The following RARS2 variants were observed in gnomAD, a reference collection of about 807,000 sequenced individuals.
RARS2 encodes the protein probable arginine--tRNA ligase, mitochondrial.
In RARS2, 67 loss-of-function variants were observed where a neutral mutation model predicts 88.5. The observed-to-expected ratio is 0.76, with a 90% confidence interval of 0.62 to 0.93. The LOEUF is 0.93. RARS2 is among the 40% of genes least tolerant of loss of function. The pLI is 0.00. For missense variants in RARS2, 664 were observed against 684.2 expected, an observed-to-expected ratio of 0.97 and a Z score of 0.33; for synonymous variants, 239 against 230.3, an observed-to-expected ratio of 1.04 and a Z score of -0.34.
intron 1 of RARS2, among the ~76,000 whole-genome samples, chr6:87,588,296 G>A (rs982071655): frequency 4.6e-5 from 7 of 151,552 alleles, no homozygotes; most frequent in African/African-American, 1.7e-4. Flanking sequence ...TACTGTTCTA[G>A]AAGACTTCTG....
chr6:87,535,429 C>T (rs1778808579), intron 8 of RARS2, among the ~76,000 whole-genome samples: 2 of 152,074 alleles, frequency 1.3e-5, no homozygotes. Flanking sequence ...GTGCTTTGAT[C>T]TTGTCCTATT....
intron 9 of RARS2, among the ~76,000 whole-genome samples, chr6:87,530,131 A>G (rs921272682): frequency 3.3e-5 from 5 of 152,164 alleles, no homozygotes; most frequent in Non-Finnish European, 5.9e-5. Flanking sequence ...CCACAGATAC[A>G]GAAGATTCCC....
chr6:87,523,406 C>T (rs924804746), intron 11 of RARS2, among the ~76,000 whole-genome samples: 14 of 152,258 alleles, frequency 9.2e-5, no homozygotes, highest in South Asian at 2.1e-4. Flanking sequence ...ACATCCCCCA[C>T]ACAAAGGTAT....
intron 14 of RARS2, chr6:87,519,158 A>T: frequency 3.0e-6 from 1 of 332,270 alleles, no homozygotes; most frequent in East Asian, 6.9e-5. Context: ...ATATATATGT[A>T]TGTGTGTATA....
Position 87,529,745 on chromosome 6 carries a change from C to A in RARS2, c.772-97G>T. The A allele has an allele frequency of 3.8e-6, 3 of 789,262 alleles. No homozygotes were observed. In the South Asian group the frequency reaches 4.2e-5, roughly 11 times the overall value. The allele number at this position is 789,262 out of a possible 1,614,324, so 48.9% of individuals were successfully genotyped here. A position where few individuals can be genotyped will look rare whatever the true frequency, so the allele number is the denominator to read the frequency against. On this transcript the variant is annotated intron_variant, in intron 9 of 19. Coordinates refer to ENST00000369536, the MANE Select transcript of RARS2 (RefSeq NM_020320.5). ...TAAGGATGCTCTACCACCTGTCACA[C>A]ACATGAACACAATAAAAATTAAATC...
chr6:87,571,217 C>T (rs1769595723), intron 1 of RARS2, among the ~76,000 whole-genome samples: 1 of 152,132 alleles, frequency 6.6e-6, no homozygotes, highest in African/African-American at 2.4e-5. Context: ...CTCACGAGAT[C>T]TGATGGTTTT....
intron 1 of RARS2, among the ~76,000 whole-genome samples, chr6:87,579,715 GTTTTTTTTTTTTTTTTTTTT>G (rs35014020): frequency 1.7e-5 from 1 of 60,460 alleles, no homozygotes; most frequent in Non-Finnish European, 2.9e-5. Flanking sequence ...CATAGAGCAT[GTTTTTTTTTTTTTTTTTTTT>G]TTTTTTTTTT....
chr6:87,533,446 T>C (rs1778194246), intron 8 of RARS2, among the ~76,000 whole-genome samples: 1 of 152,182 alleles, frequency 6.6e-6, no homozygotes, highest in African/African-American at 2.4e-5. Flanking sequence ...CCTTTTTAAT[T>C]AACCCTTGGA....
intron 14 of RARS2, chr6:87,519,308 G>A (rs1773026679): frequency 7.6e-6 from 3 of 393,566 alleles, no homozygotes; most frequent in South Asian, 2.2e-5. Flanking sequence ...TTATAACATA[G>A]AAACTTCACG....
intron 10 of RARS2, among the ~76,000 whole-genome samples, chr6:87,528,242 C>CAAAAAAAAAAA (rs71018029): frequency 8.4e-6 from 1 of 119,694 alleles, no homozygotes. Flanking sequence ...GCTTTTATAA[C>CAAAAAAAAAAA]AAAAAAAAAA....
At chr6:87,521,642 G>A (rs995260930) in intron 11 of RARS2, 118 bp from the exon 12 acceptor site, 20 of 750,350 alleles carry the variant, frequency 2.7e-5, no homozygotes, top group African/African-American at 2.6e-4. Flanking sequence ...ACCACAGCCT[G>A]AGGAATTCCA....
intron 2 of RARS2, among the ~76,000 whole-genome samples, chr6:87,567,003 T>C (rs1048753944): frequency 3.9e-5 from 6 of 151,996 alleles, no homozygotes; most frequent in Non-Finnish European, 2.9e-5. Context: ...CTTGAACTCC[T>C]GAGCTCAAGC....
intron 1 of RARS2, among the ~76,000 whole-genome samples, chr6:87,578,270 T>C (rs1400170892): frequency 6.6e-6 from 1 of 152,224 alleles, no homozygotes; most frequent in African/African-American, 2.4e-5. Flanking sequence ...AAAAACTCAT[T>C]ATAATACAGC....
intron 4 of RARS2, 78 bp from the exon 5 acceptor site, chr6:87,555,583 T>G: frequency 8.7e-7 from 1 of 1,155,084 alleles, no homozygotes; most frequent in Non-Finnish European, 1.3e-6. Flanking sequence ...AATTAAATGT[T>G]GCCAATTTGT....
chr6:87,564,034 A>G, intron 3 of RARS2, 96 bp downstream of exon 3: 1 of 896,612 alleles, frequency 1.1e-6, no homozygotes, highest in Non-Finnish European at 1.8e-6. Flanking sequence ...AAGAAACACT[A>G]TTAAATTCAC....
chr6:87,544,599 G>GT (rs1782030441), intron 7 of RARS2, among the ~76,000 whole-genome samples: 1 of 152,148 alleles, frequency 6.6e-6, no homozygotes, highest in Non-Finnish European at 1.5e-5. Flanking sequence ...ACACATGGTG[G>GT]TAACAACAGA....
chr6:87,587,180 C>A (rs1483537770), intron 1 of RARS2, among the ~76,000 whole-genome samples: 1 of 152,146 alleles, frequency 6.6e-6, no homozygotes, highest in Non-Finnish European at 1.5e-5. Flanking sequence ...CCACCATACC[C>A]AGCTCCTAAT....
chr6:87,562,601 A>T (rs1370285951), intron 4 of RARS2, 101 bp downstream of exon 4: 2 of 838,346 alleles, frequency 2.4e-6, no homozygotes, highest in Non-Finnish European at 4.1e-6. Context: ...AAAGGTTTTG[A>T]GGCCAGAGGA....
At position 87,530,872 on chromosome 6, in the gene RARS2, T is replaced by C. The variant is rs1777296470; in HGVS notation, c.683A>G (p.Gln228Arg). 1 of 1,614,234 alleles carries C rather than the reference T, an allele frequency of 6.2e-7. No individual in the cohort carries two copies. ...SVAKAAQEFF[Q>R]RLELGDVQAL... ...TTGCACATCGCCCAGTTCCAATCGT[T>C]GGAAGAACTCCTGTGCTGCTTTTGC... Residue 228 changes from glutamine (Q) to arginine (R), a missense_variant, in exon 9 of 20, where the codon CAA (glutamine) becomes CGA (arginine). Physicochemically the swap from Gln to Arg is conservative, Grantham distance 43. Coordinates refer to ENST00000369536, the MANE Select transcript of RARS2 (RefSeq NM_020320.5).
Sources: allele counts gnomAD v4.1 joint callset (sites outside exome capture counted in the v4.1 genomes callset), GRCh38; gene constraint gnomAD v4.1.1; transcripts MANE v1.5; gene names NCBI Gene and HGNC (gene_info 2026-07-23, HGNC 2026-07-21).